Variants in ZFAND3 observed in about 807,000 individuals in gnomAD.
ZFAND3 encodes zinc finger AN1-type containing 3, also known as AN1-type zinc finger protein 3.
A neutral mutation model predicts 29.6 loss-of-function variants in ZFAND3; 10 were observed. The observed-to-expected ratio is 0.34, with a 90% confidence interval of 0.21 to 0.57. The LOEUF is 0.57. Among genes scored for constraint, ZFAND3 ranks in the 20% least tolerant of loss-of-function variants. ZFAND3 has a pLI of 0.86. For missense variants in ZFAND3, 230 were observed against 304.5 expected, an observed-to-expected ratio of 0.76 and a Z score of 1.82; for synonymous variants, 128 against 112.6, an observed-to-expected ratio of 1.14 and a Z score of -0.87.
intron 1 of ZFAND3, among the ~76,000 whole-genome samples, chr6:37,892,047 A>C (rs1306739176): frequency 6.6e-6 from 1 of 152,190 alleles, no homozygotes; most frequent in East Asian, 1.9e-4. Flanking sequence ...CATTATTCTT[A>C]AGGGCACATG....
chr6:37,988,225 A>G (rs1373894088), intron 2 of ZFAND3, among the ~76,000 whole-genome samples: 1 of 152,206 alleles, frequency 6.6e-6, no homozygotes, highest in Non-Finnish European at 1.5e-5. Flanking sequence ...TGTGTGATTA[A>G]TGCTTTTTCC....
At chr6:37,927,041 A>G (rs1761497562) in intron 1 of ZFAND3, among the ~76,000 whole-genome samples, 1 of 152,164 alleles carries the variant, frequency 6.6e-6, no homozygotes, top group Non-Finnish European at 1.5e-5. Flanking sequence ...GTTTTGAGTA[A>G]TAATATCAGT....
rs759832906 is a variant in ZFAND3 at position 38,116,642 on chromosome 6, G to A, written c.432G>A (p.Glu144=). The part of the protein sequence containing the change: ...PRLLENTERS[E]ETSRSKQKSR... The stretch of plus-strand genomic sequence containing the variant: ...TACTTGAGAATACGGAACGGTCCGA[G>A]GAAACCAGTCGATCTAAACAGAAGA... The change falls in exon 5 of 6, where the codon GAG becomes GAA. Residue 144 remains glutamate (E), a synonymous_variant. Coordinates refer to ENST00000287218, the MANE Select transcript of ZFAND3 (RefSeq NM_021943.3). 1.2e-6 allele frequency: 2 copies of A among 1,614,176 alleles called. No individual in the cohort carries two copies. Among genetic ancestry groups the A allele is most frequent in the South Asian group, 2.2e-5 (2 of 91,076 alleles).
intron 2 of ZFAND3, among the ~76,000 whole-genome samples, chr6:37,982,012 G>A (rs1296001558): frequency 6.6e-6 from 1 of 152,074 alleles, no homozygotes; most frequent in African/African-American, 2.4e-5. Flanking sequence ...TTCTGATTAA[G>A]GTTTCACAGA....
intron 1 of ZFAND3, among the ~76,000 whole-genome samples, chr6:37,843,463 G>A (rs1764116891): frequency 2.0e-5 from 3 of 151,832 alleles, no homozygotes; most frequent in Admixed American, 2.0e-4. Context: ...CTCCAGCCTG[G>A]GTGACAGAGT....
At chr6:38,051,985 A>AT (rs1465671631) in intron 2 of ZFAND3, among the ~76,000 whole-genome samples, 2 of 152,052 alleles carry the variant, frequency 1.3e-5, no homozygotes, top group South Asian at 2.1e-4. Context: ...ACTCCAAATA[A>AT]TTTTTTTTGC....
chr6:38,154,547 G>A lies in ZFAND3; in HGVS notation c.*2158G>A, dbSNP rs1304266472. 3.1e-6 allele frequency: 3 copies of A among 974,550 alleles called. No homozygotes were observed. The highest frequency in any genetic ancestry group is 1.2e-4 in the Admixed American group (2 of 16,244). 60.4% of individuals were successfully genotyped at this position (974,550 alleles called of 1,614,324 possible). ...AGAGCTCAGTTTTAGTTTTAACATT[G>A]TGAAAATATTAAAAGAATCTTGTAA... On this transcript the variant is annotated 3_prime_UTR_variant, in exon 6 of 6. Coordinates refer to ENST00000287218, the MANE Select transcript of ZFAND3 (RefSeq NM_021943.3).
At chr6:37,891,097 C>T (rs909049168) in intron 1 of ZFAND3, among the ~76,000 whole-genome samples, 3 of 152,186 alleles carry the variant, frequency 2.0e-5, no homozygotes, top group Admixed American at 6.5e-5. Context: ...AACCCGGAGT[C>T]CTCATATCCA....
chr6:37,872,651 C>T (rs1287340791), intron 1 of ZFAND3, among the ~76,000 whole-genome samples: 1 of 152,088 alleles, frequency 6.6e-6, no homozygotes, highest in Non-Finnish European at 1.5e-5. Flanking sequence ...ATAGGTTTTG[C>T]TTTTTGTTTG....
intron 2 of ZFAND3, among the ~76,000 whole-genome samples, chr6:38,009,149 A>G (rs1763102045): frequency 6.6e-6 from 1 of 152,208 alleles, no homozygotes; most frequent in Admixed American, 6.5e-5. Context: ...TGTCTTTTGA[A>G]TTGAGCCCTT....
chr6:37,917,267 G>A (rs181569987), intron 1 of ZFAND3, among the ~76,000 whole-genome samples: 1 of 152,202 alleles, frequency 6.6e-6, no homozygotes, highest in African/African-American at 2.4e-5. Context: ...GAATGTTAGC[G>A]GTCATTGGTC....
rs114426943 is a variant in ZFAND3, at chr6:38,011,949, A to G, written c.113-49644A>G. Among the ~76,000 whole-genome samples the G allele has an allele frequency of 3.1e-3, 469 of 152,338 alleles. 3 individuals are homozygous for G. The highest frequency in any genetic ancestry group is 0.011 in the African/African-American group (446 of 41,576). ...TCATTCTTTTTTTGGAAACTATAAT[A>G]TGAAAGTTCAAAATATAAAAAAGAT... On this transcript the variant is annotated intron_variant, in intron 2 of 5. Transcript: ENST00000287218.
chr6:37,944,252 C>T (rs1445983912), intron 2 of ZFAND3, among the ~76,000 whole-genome samples: 1 of 152,086 alleles, frequency 6.6e-6, no homozygotes, highest in East Asian at 1.9e-4. Context: ...ACAAGAAGAA[C>T]TAAAACGTCC....
At chr6:38,053,012 C>T (rs796888577) in intron 2 of ZFAND3, among the ~76,000 whole-genome samples, 4 of 143,352 alleles carry the variant, frequency 2.8e-5, no homozygotes, top group African/African-American at 1.0e-4. Context: ...CTAGCCTGGG[C>T]GACAGCGCAA....
At chr6:38,143,467 T>TATCTTTGCCTCTATC (rs1279884242) in intron 5 of ZFAND3, among the ~76,000 whole-genome samples, 1 of 152,286 alleles carries the variant, frequency 6.6e-6, no homozygotes, top group Non-Finnish European at 1.5e-5. Context: ...AAGGCTTTTG[T>TATCTTTGCCTCTATC]ATCTTTGCCT....
intron 2 of ZFAND3, among the ~76,000 whole-genome samples, chr6:37,955,813 G>A (rs1762077563): frequency 6.6e-6 from 1 of 152,182 alleles, no homozygotes; most frequent in African/African-American, 2.4e-5. Context: ...TATGGGAATA[G>A]GAGCAAGGGT....
At chr6:37,842,434 C>T (rs751364772) in intron 1 of ZFAND3, among the ~76,000 whole-genome samples, 1 of 152,084 alleles carries the variant, frequency 6.6e-6, no homozygotes, top group Admixed American at 6.5e-5. Context: ...ACATTATATA[C>T]TCTTTGACAC....
At chr6:37,873,381 G>C (rs1764733126) in intron 1 of ZFAND3, among the ~76,000 whole-genome samples, 1 of 152,242 alleles carries the variant, frequency 6.6e-6, no homozygotes, top group South Asian at 2.1e-4. Context: ...TTTTATAATA[G>C]AAGGTAAACA....
intron 2 of ZFAND3, among the ~76,000 whole-genome samples, chr6:37,948,636 G>A (rs1301090824): frequency 1.3e-5 from 2 of 152,126 alleles, no homozygotes; most frequent in Non-Finnish European, 2.9e-5. Context: ...AAGTAGGCCT[G>A]CGTATCTATA....
Sources: allele counts gnomAD v4.1 joint callset (sites outside exome capture counted in the v4.1 genomes callset), GRCh38; gene constraint gnomAD v4.1.1; transcripts MANE v1.5; gene names NCBI Gene and HGNC (gene_info 2026-07-23, HGNC 2026-07-21).